CFAP100: variants seen among roughly 807,000 people sequenced by gnomAD.
The protein encoded by CFAP100 is cilia and flagella associated protein 100, also known as cilia- and flagella-associated protein 100.
CFAP100 carries 70 observed loss-of-function variants against 81.5 expected under a neutral mutation model. That is an observed-to-expected ratio of 0.86 (90% CI 0.71 to 1.05). CFAP100 has a LOEUF of 1.05. CFAP100 is among the 50% of genes least tolerant of loss of function. CFAP100 has a pLI of 0.00. For missense variants in CFAP100, 811 were observed against 776.5 expected (o/e 1.04, Z -0.53); for synonymous variants, 341 against 314.8 (o/e 1.08, Z -0.88).
Position 126,422,519 on chromosome 3 carries a change from G to A in CFAP100, c.1083-806G>A, listed in dbSNP as rs554711850. On this transcript the variant is annotated intron_variant, in intron 11 of 16. Coordinates refer to ENST00000352312, the MANE Select transcript of CFAP100 (RefSeq NM_182628.3). ...CCCACCTCAGTCAGCAGGACCTGCA[G>A]ATCCTAGGTGAGGCCCAGGGTGGAG... 2.1e-3 allele frequency among the ~76,000 whole-genome samples: 313 copies of A among 152,320 alleles called. 1 individual carries two copies. The highest frequency in any genetic ancestry group is 6.9e-3 in the African/African-American group (285 of 41,578).
At chr3:126,399,043 GACTCCCTCCCTCAC>G (rs151176386) in intron 2 of CFAP100, among the ~76,000 whole-genome samples, 306 of 152,254 alleles carry the variant, frequency 2.0e-3, no homozygotes, top group South Asian at 5.6e-3. Flanking sequence ...GTTTCCCTGG[GACTCCCTCCCTCAC>G]ACCCCACAGG....
At chr3:126,418,354 CA>C in intron 5 of CFAP100, 103 bp from the exon 6 acceptor site, 1 of 1,000,560 alleles carries the variant, frequency 1.0e-6, no homozygotes, top group Non-Finnish European at 1.6e-6. Flanking sequence ...GGCGTGGACG[CA>C]AAGCAGTGGC....
At chr3:126,434,440 G>A (rs986681078) in intron 15 of CFAP100, 59 bp downstream of exon 15, 75 of 1,522,156 alleles carry the variant, frequency 4.9e-5, no homozygotes, top group Non-Finnish European at 6.4e-5. Flanking sequence ...AGGGCAGAGG[G>A]CACATACAGG....
intron 5 of CFAP100, chr3:126,416,747 T>C: frequency 2.5e-6 from 1 of 403,168 alleles, no homozygotes; most frequent in Non-Finnish European, 4.4e-6. Flanking sequence ...CACCTTATCC[T>C]TGGTTTCTCT....
At chr3:126,435,270 G>C (rs1933400908) in intron 15 of CFAP100, among the ~76,000 whole-genome samples, 1 of 151,630 alleles carries the variant, frequency 6.6e-6, no homozygotes, top group African/African-American at 2.4e-5. Flanking sequence ...ATGTGCCTCT[G>C]GGAGGGGTCT....
Position 126,427,052 on chromosome 3 carries a change from C to A in CFAP100, c.1286+3408C>A, listed in dbSNP as rs115300825. ...TATTCCATGTTCAGGGATAGGAAGG[C>A]TCAGTATTGTCAAGATGTCATTCTT... is the stretch of plus-strand genomic sequence containing the variant. On this transcript the variant is annotated intron_variant, in intron 13 of 16. Transcript: ENST00000352312. Among the ~76,000 whole-genome samples the A allele has an allele frequency of 2.2e-3, 336 of 152,292 alleles. 2 individuals are homozygous for A. Among genetic ancestry groups the A allele is most frequent in the African/African-American group, 7.7e-3 (322 of 41,568 alleles).
chr3:126,418,936 A>C lies in CFAP100; in HGVS notation c.651-140A>C, dbSNP rs555094448. ...AAGGGCAGGGGACACTACGGGCAAA[A>C]GGCTTAACTGTGTGGCTCTCCAGCC... On this transcript the variant is annotated intron_variant, in intron 7 of 16. Coordinates refer to ENST00000352312, the MANE Select transcript of CFAP100 (RefSeq NM_182628.3). 5.0e-4 allele frequency: 512 copies of C among 1,030,526 alleles called. 8 individuals are homozygous for C. In the East Asian group the frequency reaches 0.013, roughly 26 times the overall value. The allele number at this position is 1,030,526 out of a possible 1,614,324, so 63.8% of individuals were successfully genotyped here.
intron 2 of CFAP100, among the ~76,000 whole-genome samples, chr3:126,406,798 G>A (rs1420626886): frequency 6.6e-6 from 1 of 152,190 alleles, no homozygotes; most frequent in Non-Finnish European, 1.5e-5. Context: ...GCCCCTGGGA[G>A]GCAAGGCACT....
chr3:126,415,235 C>T (rs2083216052), intron 4 of CFAP100, among the ~76,000 whole-genome samples: 1 of 152,112 alleles, frequency 6.6e-6, no homozygotes, highest in Non-Finnish European at 1.5e-5. Flanking sequence ...CTTCACCCAC[C>T]CAACAGGGTC....
chr3:126,429,619 T>C (rs1246642666), intron 13 of CFAP100, among the ~76,000 whole-genome samples: 1 of 48,180 alleles, frequency 2.1e-5, no homozygotes, highest in East Asian at 7.7e-4. Context: ...GTATCTACTG[T>C]AGGTTTTTTT....
intron 3 of CFAP100, among the ~76,000 whole-genome samples, chr3:126,410,498 G>C (rs1341785392): frequency 6.6e-6 from 1 of 151,576 alleles, no homozygotes; most frequent in Non-Finnish European, 1.5e-5. Context: ...TACCTTTTCT[G>C]CCTTTCTTTT....
chr3:126,416,508 G>C lies in CFAP100; in HGVS notation c.418G>C (p.Glu140Gln). Residue 140 changes from glutamate to glutamine, a missense_variant and splice_region_variant, in exon 5 of 17, where the codon GAA (glutamate) becomes CAA (glutamine). Transcript: ENST00000352312. ...GACCTGGAAGCTCACCTTGACCAAA[G>C]GTGCGTCCCCTCCGGCGCGGGGGGA... is the stretch of plus-strand genomic sequence containing the variant. ...YTTWKLTLTK[E>Q]KNVEPENMSG... is the part of the protein sequence containing the mutation. 1 of 1,579,084 alleles carries C rather than the reference G, an allele frequency of 6.3e-7. No individual in the cohort carries two copies. Among genetic ancestry groups the C allele is most frequent in the South Asian group, 1.1e-5 (1 of 87,814 alleles).
chr3:126,434,425 C>CCCTGAGGGCAGAGGG, intron 15 of CFAP100, 44 bp downstream of exon 15: 1 of 1,578,586 alleles, frequency 6.3e-7, no homozygotes, highest in Non-Finnish European at 8.6e-7. Context: ...TCCTGGCTGG[C>CCCTGAGGGCAGAGGG]CCTGAGGGCA....
chr3:126,431,498 A>T (rs35593730), intron 13 of CFAP100, among the ~76,000 whole-genome samples: 1 of 151,640 alleles, frequency 6.6e-6, no homozygotes, highest in African/African-American at 2.4e-5. Context: ...CTATTCTCTC[A>T]CTCTCTATGG....
At chr3:126,430,523 TTCTC>T (rs1206701970) in intron 13 of CFAP100, among the ~76,000 whole-genome samples, 6 of 151,752 alleles carry the variant, frequency 4.0e-5, no homozygotes, top group Non-Finnish European at 5.9e-5. Flanking sequence ...ACTTTGCCCT[TTCTC>T]TCTCTCCTTT....
chr3:126,402,998 G>A (rs999352113), intron 2 of CFAP100, among the ~76,000 whole-genome samples: 6 of 152,124 alleles, frequency 3.9e-5, no homozygotes, highest in Admixed American at 1.3e-4. Flanking sequence ...AGGGTGTCGG[G>A]GATGCCTTGT....
intron 13 of CFAP100, among the ~76,000 whole-genome samples, chr3:126,432,377 C>T (rs767222345): frequency 6.6e-6 from 1 of 150,562 alleles, no homozygotes; most frequent in Non-Finnish European, 1.5e-5. Context: ...CATGTCCTCA[C>T]AAAAACCTGC....
In CFAP100 at chr3:126,416,310, CCCCAGGAACGGCAGCAGCAG is replaced by C; in HGVS notation, c.226-5_240del. The C allele has an allele frequency of 6.3e-7, 1 of 1,579,100 alleles. No individual in the cohort carries two copies. The highest frequency in any genetic ancestry group is 8.6e-7 in the Non-Finnish European group (1 of 1,157,560). Reference sequence around the variant, plus strand: ...GGCCCCGCCCGACTTGGCCCGACGCCCCCAGGAACGGCAGCAGCAGAAGACGATGCGGGTGCACCAGAAGA... The same window carrying C: ...GGCCCCGCCCGACTTGGCCCGACGCCAAGACGATGCGGGTGCACCAGAAGA... On this transcript the variant is annotated splice_acceptor_variant and splice_polypyrimidine_tract_variant and coding_sequence_variant and intron_variant, in exon 5 of 17. Transcript: ENST00000352312. LOFTEE classifies it high-confidence loss of function.
chr3:126,434,572 A>T, intron 15 of CFAP100, 191 bp downstream of exon 15: 1 of 589,492 alleles, frequency 1.7e-6, no homozygotes, highest in Non-Finnish European at 3.0e-6. Flanking sequence ...GGTTAGGGAA[A>T]GCTTCCTAGA....
Sources: gnomAD v4.1 joint callset for allele counts (sites outside exome capture counted in the v4.1 genomes callset) on GRCh38, gnomAD v4.1.1 for gene constraint, MANE v1.5 for transcripts, NCBI Gene and HGNC (gene_info 2026-07-23, HGNC 2026-07-21) for gene names.